Variants in ASPSCR1 observed in about 807,000 individuals in gnomAD.
ASPSCR1 encodes ASPSCR1 tether for SLC2A4, UBX domain containing.
A neutral mutation model predicts 68.9 loss-of-function variants in ASPSCR1; 55 were observed. The ratio of observed to expected loss-of-function variants is 0.80; its 90% CI spans 0.64 to 1.00. ASPSCR1 has a LOEUF of 1.00. Among genes scored for constraint, ASPSCR1 ranks in the 50% least tolerant of loss-of-function variants. The pLI is 0.00. For missense variants in ASPSCR1, 765 were observed against 762.2 expected (o/e 1.00, Z -0.04); for synonymous variants, 352 against 332.6 (o/e 1.06, Z -0.63).
rs544846050 is a variant in ASPSCR1 at position 81,984,433 on chromosome 17, C to T, written c.273+765C>T. Among the ~76,000 whole-genome samples the T allele has an allele frequency of 3.3e-5, 5 of 152,100 alleles. No individual in the cohort carries two copies. In the South Asian group the frequency reaches 6.2e-4, roughly 19 times the overall value. On this transcript the variant is annotated intron_variant, in intron 3 of 15. Transcript: ENST00000306739. ...CTCTACTAAAAATACAAAAATTAGC[C>T]GTGGGTGGTGGCGGATGCCTGTAGT...
intron 6 of ASPSCR1, 49 bp from the exon 7 acceptor site, chr17:81,996,371 C>T (rs200052112): frequency 2.7e-5 from 42 of 1,530,692 alleles, no homozygotes; most frequent in South Asian, 2.0e-4. Flanking sequence ...GAGGGTGAGC[C>T]GGGGGTAGGC....
chr17:82,009,849 C>A, intron 9 of ASPSCR1: 1 of 355,176 alleles, frequency 2.8e-6, no homozygotes, highest in East Asian at 6.2e-5. Flanking sequence ...GCAGGGCCCC[C>A]CCGTGGTGGC....
chr17:81,985,694 C>A, intron 4 of ASPSCR1, 87 bp downstream of exon 4: 2 of 1,347,762 alleles, frequency 1.5e-6, no homozygotes, highest in Non-Finnish European at 2.1e-6. Flanking sequence ...GAGCTGGACA[C>A]CCAAGCTCTG....
At chr17:81,989,231 C>A (rs1384357273) in intron 4 of ASPSCR1, among the ~76,000 whole-genome samples, 2 of 152,244 alleles carry the variant, frequency 1.3e-5, no homozygotes, top group Non-Finnish European at 2.9e-5. Context: ...AAATAAATTT[C>A]TAAAAGCTCA....
intron 4 of ASPSCR1, among the ~76,000 whole-genome samples, chr17:81,992,670 C>T (rs2042210626): frequency 6.6e-6 from 1 of 152,250 alleles, no homozygotes; most frequent in Admixed American, 6.5e-5. Context: ...CTTGAGGCCT[C>T]TCTCTGCCTC....
At chr17:81,994,137 T>C (rs887297299) in intron 4 of ASPSCR1, among the ~76,000 whole-genome samples, 1 of 152,238 alleles carries the variant, frequency 6.6e-6, no homozygotes, top group African/African-American at 2.4e-5. Flanking sequence ...CGGGCTGCCA[T>C]GCACATCAGG....
intron 7 of ASPSCR1, among the ~76,000 whole-genome samples, chr17:82,001,244 G>T (rs2042519029): frequency 6.6e-6 from 1 of 152,198 alleles, no homozygotes; most frequent in Non-Finnish European, 1.5e-5. Flanking sequence ...GGCAGGTGCT[G>T]TTGACCCTGG....
At chr17:82,002,871 T>C (rs2042581349) in intron 7 of ASPSCR1, among the ~76,000 whole-genome samples, 1 of 149,808 alleles carries the variant, frequency 6.7e-6, no homozygotes, top group Non-Finnish European at 1.5e-5. Context: ...TTTCATCTTT[T>C]TAAAATAACT....
At chr17:81,996,290 G>C in intron 6 of ASPSCR1, 130 bp from the exon 7 acceptor site, 1 of 1,447,032 alleles carries the variant, frequency 6.9e-7, no homozygotes. Flanking sequence ...AGGGCGCATG[G>C]GGCAGGAGAG....
intron 2 of ASPSCR1, chr17:81,982,682 G>C (rs966436352): frequency 1.3e-5 from 2 of 152,170 alleles, no homozygotes; most frequent in Non-Finnish European, 2.9e-5. Context: ...CCAAAGTGAG[G>C]CCAACCACTT....
intron 1 of ASPSCR1, chr17:81,978,065 G>A (rs35834288): frequency 0.64 from 121,424 of 188,432 alleles, 40,051 homozygotes; most frequent in African/African-American, 0.68. Context: ...GGAAGAGGGA[G>A]GAGTGGAGCC....
At chr17:82,005,419 C>T (rs1160093532) in intron 7 of ASPSCR1, 2 of 152,162 alleles carry the variant, frequency 1.3e-5, no homozygotes, top group African/African-American at 2.4e-5. Flanking sequence ...TGAGAGGCCT[C>T]ATCTGAGACA....
intron 2 of ASPSCR1, among the ~76,000 whole-genome samples, chr17:81,981,679 A>C (rs932552079): frequency 4.1e-5 from 6 of 146,808 alleles, no homozygotes; most frequent in African/African-American, 1.5e-4. Context: ...GTGCCTGGCC[A>C]TTTTTCTGAA....
chr17:81,994,248 G>T (rs939577377), intron 4 of ASPSCR1, among the ~76,000 whole-genome samples: 1 of 152,220 alleles, frequency 6.6e-6, no homozygotes, highest in South Asian at 2.1e-4. Flanking sequence ...GGCAGAGTCC[G>T]ACATGGACTT....
At chr17:82,015,047 G>T (rs769940753) in intron 12 of ASPSCR1, 6 of 1,579,224 alleles carry the variant, frequency 3.8e-6, no homozygotes, top group Non-Finnish European at 5.1e-6. Context: ...TGGCTGGGGG[G>T]ACGGTGTGAC....
chr17:81,994,689 T>C, intron 4 of ASPSCR1, 132 bp from the exon 5 acceptor site: 1 of 903,648 alleles, frequency 1.1e-6, no homozygotes. Context: ...GGCCTGGGCC[T>C]GGGACGCTGT....
chr17:81,998,557 G>T (rs1380712823), intron 7 of ASPSCR1, among the ~76,000 whole-genome samples: 1 of 152,174 alleles, frequency 6.6e-6, no homozygotes, highest in Non-Finnish European at 1.5e-5. Flanking sequence ...CCTTTATCAA[G>T]CAGAGAAAGT....
At position 81,986,794 on chromosome 17, in the gene ASPSCR1, G is replaced by T. The variant is rs1186129099; in HGVS notation, c.374+1187G>T. ...GTTGGGCGCGCTTGGTGGCCCCAGG[G>T]CTGGGCCTGCTCCCGTCTGACAGTA... On this transcript the variant is annotated intron_variant, in intron 4 of 15. Transcript: ENST00000306739. The surrounding 1 kb of genome is among the most constrained non-coding windows in gnomAD (Gnocchi z 5.2). 2.1e-5 allele frequency among the ~76,000 whole-genome samples: 3 copies of T among 140,076 alleles called. No individual in the cohort carries two copies. The highest frequency in any genetic ancestry group is 8.7e-5 in the African/African-American group (3 of 34,396). The allele number at this position is 140,076 out of a possible 152,430, so 91.9% of individuals were successfully genotyped here. A position where few individuals can be genotyped will look rare whatever the true frequency, so the allele number is the denominator to read the frequency against.
intron 4 of ASPSCR1, among the ~76,000 whole-genome samples, chr17:81,994,469 G>A (rs913429773): frequency 8.5e-5 from 13 of 152,218 alleles, no homozygotes; most frequent in Non-Finnish European, 1.3e-4. Flanking sequence ...TCCGTGAGCC[G>A]CATTCCGGAG....
Sources: gnomAD v4.1 joint callset for allele counts (sites outside exome capture counted in the v4.1 genomes callset) on GRCh38, gnomAD v4.1.1 for gene constraint, Gnocchi (gnomAD v3.1) non-coding constraint, MANE v1.5 for transcripts, NCBI Gene and HGNC (gene_info 2026-07-23, HGNC 2026-07-21) for gene names.